PIP5K1B: variants seen among roughly 807,000 people sequenced by gnomAD.
The protein encoded by PIP5K1B is phosphatidylinositol 4-phosphate 5-kinase type-1 beta.
PIP5K1B carries 42 observed loss-of-function variants against 67.0 expected under a neutral mutation model. The observed-to-expected ratio is 0.63, with a 90% CI of 0.49 to 0.81. The LOEUF (loss-of-function observed/expected upper bound fraction) is 0.81, where lower values mean the gene tolerates loss of function less well. Ranked by LOEUF, PIP5K1B falls within the 30% of genes least tolerant of loss-of-function variation. PIP5K1B has a pLI of 0.00. For synonymous variants in PIP5K1B, 214 were observed against 231.4 expected, an observed-to-expected ratio of 0.92 and a Z score of 0.68; for missense variants, 459 against 646.3, an observed-to-expected ratio of 0.71 and a Z score of 3.14.
At chr9:68,842,865 G>A (rs931597636) in intron 4 of PIP5K1B, among the ~76,000 whole-genome samples, 1 of 152,188 alleles carries the variant, frequency 6.6e-6, no homozygotes, top group Admixed American at 6.5e-5. Flanking sequence ...GGCTTTGAAG[G>A]CTATATAGAC....
chr9:68,831,121 G>A (rs535477905), intron 4 of PIP5K1B, among the ~76,000 whole-genome samples: 30 of 152,290 alleles, frequency 2.0e-4, no homozygotes, highest in African/African-American at 6.5e-4. Flanking sequence ...CTCAATAGTC[G>A]TAGGGAACAT....
chr9:68,973,022 C>T (rs115727370), intron 14 of PIP5K1B, among the ~76,000 whole-genome samples: 231 of 152,258 alleles, frequency 1.5e-3, no homozygotes, highest in African/African-American at 5.1e-3. Context: ...TTGTAAATAA[C>T]GAGAGTGATT....
chr9:68,934,974 G>A lies in PIP5K1B; in HGVS notation c.1286G>A (p.Ser429Asn), dbSNP rs1334033392. The A allele has an allele frequency of 6.2e-7, 1 of 1,613,740 alleles. No individual in the cohort carries two copies. Among genetic ancestry groups the A allele is most frequent in the Non-Finnish European group, 8.5e-7 (1 of 1,179,754 alleles). ...ATSQEIVSSI[S>N]QEWKDEKRDL... ...TCACAGGAGATTGTGTCCTCAATTA[G>A]CCAGGAATGGAAGGATGAGAAGCGG... Residue 429 changes from serine (S) to asparagine (N), a missense_variant, in exon 13 of 16, where the codon AGC (serine) becomes AAC (asparagine). Physicochemically the swap from Ser to Asn is conservative, Grantham distance 46. Transcript: ENST00000265382.
chr9:68,882,423 A>G (rs113601097), intron 6 of PIP5K1B, among the ~76,000 whole-genome samples: 2 of 152,204 alleles, frequency 1.3e-5, no homozygotes. Context: ...AAAACAATTT[A>G]TTATTTCATT....
intron 5 of PIP5K1B, among the ~76,000 whole-genome samples, chr9:68,875,964 G>A (rs1823873030): frequency 6.6e-6 from 1 of 152,144 alleles, no homozygotes; most frequent in Admixed American, 6.5e-5. Flanking sequence ...TACAGAAGGG[G>A]CTTCAACTGT....
At chr9:69,007,112 T>C (rs1831119896) in intron 15 of PIP5K1B, among the ~76,000 whole-genome samples, 1 of 152,200 alleles carries the variant, frequency 6.6e-6, no homozygotes, top group Non-Finnish European at 1.5e-5. Flanking sequence ...CTTTCTAGCT[T>C]AGGTGAATGA....
At chr9:68,780,083 G>GAT in intron 2 of PIP5K1B, 1 of 1,424,134 alleles carries the variant, frequency 7.0e-7, no homozygotes, top group Non-Finnish European at 9.2e-7. Context: ...GGTGGCGGCG[G>GAT]CAGCGGCGGC....
intron 2 of PIP5K1B, among the ~76,000 whole-genome samples, chr9:68,779,172 C>T (rs1317254243): frequency 1.3e-5 from 2 of 151,328 alleles, no homozygotes; most frequent in Non-Finnish European, 2.9e-5. Context: ...AACAAATAAA[C>T]TCACTTTTAA....
At chr9:69,001,437 G>A (rs941259981) in intron 15 of PIP5K1B, among the ~76,000 whole-genome samples, 23 of 152,142 alleles carry the variant, frequency 1.5e-4, no homozygotes, top group Non-Finnish European at 2.9e-4. Flanking sequence ...ATGATAAGGT[G>A]TATCAGTCCA....
intron 4 of PIP5K1B, among the ~76,000 whole-genome samples, chr9:68,831,769 G>A (rs62571161): frequency 0.094 from 14,334 of 152,000 alleles, 855 homozygotes; most frequent in Non-Finnish European, 0.14. Context: ...TCCGCTGCCC[G>A]GGTTCAAGCC....
intron 4 of PIP5K1B, among the ~76,000 whole-genome samples, chr9:68,853,400 A>G (rs540120978): frequency 3.3e-5 from 5 of 152,308 alleles, no homozygotes; most frequent in Admixed American, 2.6e-4. Context: ...TTGATATGTC[A>G]TGAGTAACCC....
intron 14 of PIP5K1B, among the ~76,000 whole-genome samples, 171 bp from the exon 15 acceptor site, chr9:68,990,968 CA>C (rs1490127116): frequency 6.6e-6 from 1 of 152,020 alleles, no homozygotes; most frequent in Non-Finnish European, 1.5e-5. Context: ...GGGCTAAACC[CA>C]AACTCTTTAA....
chr9:68,970,216 A>G (rs916554955), intron 14 of PIP5K1B, among the ~76,000 whole-genome samples: 1 of 152,240 alleles, frequency 6.6e-6, no homozygotes, highest in Admixed American at 6.5e-5. Flanking sequence ...ATTGACTGAT[A>G]AAATCTAAAA....
chr9:68,968,287 A>G (rs1035852492), intron 14 of PIP5K1B, among the ~76,000 whole-genome samples: 1 of 152,184 alleles, frequency 6.6e-6, no homozygotes, highest in Non-Finnish European at 1.5e-5. Flanking sequence ...TGGGAGGCCG[A>G]GGCAGGTGGA....
rs140221619 is a variant in PIP5K1B, at chr9:68,920,515, G to A, written c.1116+786G>A. On this transcript the variant is annotated intron_variant, in intron 11 of 15. Transcript: ENST00000265382. ...CCTGAGTAGCTGGGACAACAGGTGC[G>A]TGCCACGACGCCTGGCTAATTTTTG... 7.7e-3 allele frequency among the ~76,000 whole-genome samples: 1,171 copies of A among 151,504 alleles called. 9 individuals carry two copies. Among genetic ancestry groups the A allele is most frequent in the South Asian group, 0.042 (203 of 4,780 alleles).
At chr9:68,834,023 G>A (rs1488120492) in intron 4 of PIP5K1B, among the ~76,000 whole-genome samples, 2 of 152,114 alleles carry the variant, frequency 1.3e-5, no homozygotes, top group African/African-American at 4.8e-5. Flanking sequence ...TCAGGAAGGG[G>A]GAACATCCAT....
intron 4 of PIP5K1B, among the ~76,000 whole-genome samples, chr9:68,852,515 A>G (rs759572271): frequency 1.2e-4 from 19 of 152,070 alleles, no homozygotes; most frequent in African/African-American, 7.2e-5. Flanking sequence ...CTTTGACCTC[A>G]CTCTCAAACC....
chr9:68,920,027 T>C (rs976509611), intron 11 of PIP5K1B, among the ~76,000 whole-genome samples: 10 of 152,292 alleles, frequency 6.6e-5, no homozygotes, highest in Admixed American at 5.9e-4. Context: ...GTAGGGATGA[T>C]CAGTAGGGCA....
intron 14 of PIP5K1B, among the ~76,000 whole-genome samples, chr9:68,986,466 C>T (rs1830099078): frequency 6.6e-6 from 1 of 151,806 alleles, no homozygotes; most frequent in Non-Finnish European, 1.5e-5. Flanking sequence ...TATAAGAGTT[C>T]TTTATATAAT....
Sources: gnomAD v4.1 joint callset for allele counts (sites outside exome capture counted in the v4.1 genomes callset) on GRCh38, gnomAD v4.1.1 for gene constraint, MANE v1.5 for transcripts, NCBI Gene and HGNC (gene_info 2026-07-23, HGNC 2026-07-21) for gene names.